VASH2: variants seen among roughly 807,000 people sequenced by gnomAD.
VASH2 encodes vasohibin 2.
A neutral mutation model predicts 37.2 loss-of-function variants in VASH2; 28 were observed. The observed-to-expected ratio is 0.75, with a 90% CI of 0.56 to 1.03. The LOEUF is 1.03. Ranked by LOEUF, VASH2 falls within the 50% of genes least tolerant of loss-of-function variation. The pLI, the probability that VASH2 is intolerant of heterozygous loss-of-function variation, is 0.00. For synonymous variants in VASH2, 188 were observed against 174.7 expected (o/e 1.08, Z -0.60); for missense variants, 419 against 459.1 (o/e 0.91, Z 0.80).
In VASH2 at chr1:212,958,136, G is replaced by A. The variant is rs555103479; in HGVS notation, c.277-3030G>A. 6.6e-5 allele frequency among the ~76,000 whole-genome samples: 10 copies of A among 152,296 alleles called. No individual in the cohort carries two copies. The South Asian group carries it at 2.1e-3, about 32-fold the overall frequency. ...TGTGTGTGTCTCCTAATGACACTCCGGGAAGCCCACCTGGTTTACAGTCCA... is the reference window on the plus strand; with the variant it reads ...TGTGTGTGTCTCCTAATGACACTCCAGGAAGCCCACCTGGTTTACAGTCCA... On this transcript the variant is annotated intron_variant, in intron 2 of 7. Coordinates refer to ENST00000517399, the MANE Select transcript of VASH2 (RefSeq NM_001301056.2).
rs759312443 is a variant in VASH2, at chr1:212,951,656, AGAG to A, written c.123_125del (p.Glu41del). 7.5e-6 allele frequency: 12 copies of A among 1,590,044 alleles called. No homozygotes were observed. Among genetic ancestry groups the A allele is most frequent in the East Asian group, 2.3e-5 (1 of 43,988 alleles). On this transcript the variant is annotated inframe_deletion, in exon 2 of 8. Coordinates refer to ENST00000517399, the MANE Select transcript of VASH2 (RefSeq NM_001301056.2). The surrounding 1 kb of genome is among the most constrained non-coding windows in gnomAD (Gnocchi z 4.4). ...TGAGCCTCGCCACCAGCGGGGGCTC[AGAG>A]GAGGAGGACAAAGACGGCGGGGTGC...
chr1:212,981,679 C>T (rs1667342825), intron 7 of VASH2, among the ~76,000 whole-genome samples: 1 of 152,178 alleles, frequency 6.6e-6, no homozygotes, highest in Non-Finnish European at 1.5e-5. Context: ...GCCAGTCTGG[C>T]CTTTGTGTTT....
Position 212,989,327 on chromosome 1 carries a change from A to C in VASH2, c.*743A>C, listed in dbSNP as rs972595180. Reference sequence around the variant, plus strand: ...TTTCAAAATGAAACAAAAATATCACATTGAGAAGCTAGTCTATGTTCTGTC... The same window carrying C: ...TTTCAAAATGAAACAAAAATATCACCTTGAGAAGCTAGTCTATGTTCTGTC... On this transcript the variant is annotated 3_prime_UTR_variant, in exon 8 of 8. Coordinates refer to ENST00000517399, the MANE Select transcript of VASH2 (RefSeq NM_001301056.2). 6.6e-6 allele frequency: 1 copy of C among 152,276 alleles called. No homozygotes were observed. Among genetic ancestry groups the C allele is most frequent in the African/African-American group, 2.4e-5 (1 of 41,472 alleles). 9.4% of individuals were successfully genotyped at this position (152,276 alleles called of 1,614,324 possible).
At chr1:212,959,488 A>T (rs1187180860) in intron 2 of VASH2, among the ~76,000 whole-genome samples, 1 of 152,206 alleles carries the variant, frequency 6.6e-6, no homozygotes, top group Non-Finnish European at 1.5e-5. Flanking sequence ...GCTGTAATGC[A>T]GGAAGTGTGA....
chr1:212,960,371 G>A (rs1039256642), intron 2 of VASH2, among the ~76,000 whole-genome samples: 2 of 152,188 alleles, frequency 1.3e-5, no homozygotes, highest in East Asian at 1.9e-4. Context: ...GTAAGATGGC[G>A]TGTGAGCCAG....
chr1:212,958,513 G>A (rs1666566052), intron 2 of VASH2, among the ~76,000 whole-genome samples: 1 of 152,134 alleles, frequency 6.6e-6, no homozygotes, highest in African/African-American at 2.4e-5. Flanking sequence ...GGGCTCTGCT[G>A]GGCTTGAGGG....
intron 2 of VASH2, among the ~76,000 whole-genome samples, chr1:212,955,254 A>G (rs558061883): frequency 6.6e-6 from 1 of 152,294 alleles, no homozygotes; most frequent in East Asian, 1.9e-4. Context: ...GCCTGCATGG[A>G]GGACTAAATG....
intron 7 of VASH2, chr1:212,974,912 AAG>A (rs1277234684): frequency 6.6e-6 from 1 of 152,152 alleles, no homozygotes; most frequent in Non-Finnish European, 1.5e-5. Flanking sequence ...TCATCCATAA[AAG>A]AGTATCAAAT....
chr1:212,952,040 G>A (rs1245830792), intron 2 of VASH2, among the ~76,000 whole-genome samples: 2 of 152,160 alleles, frequency 1.3e-5, no homozygotes, highest in East Asian at 3.8e-4. Context: ...TTGCTATCCT[G>A]GGACTGTGTA....
At chr1:212,958,328 G>T (rs2102623311) in intron 2 of VASH2, among the ~76,000 whole-genome samples, 1 of 152,296 alleles carries the variant, frequency 6.6e-6, no homozygotes, top group South Asian at 2.1e-4. Flanking sequence ...TGGGACTTGG[G>T]GAATGTATAC....
chr1:212,976,909 C>G (rs997226013), intron 7 of VASH2, among the ~76,000 whole-genome samples: 2 of 152,154 alleles, frequency 1.3e-5, no homozygotes, highest in Admixed American at 6.5e-5. Flanking sequence ...CGCGCATGTC[C>G]CGGAGTCGAC....
At chr1:212,984,772 G>A (rs1207262154) in intron 7 of VASH2, among the ~76,000 whole-genome samples, 2 of 152,160 alleles carry the variant, frequency 1.3e-5, no homozygotes, top group Non-Finnish European at 2.9e-5. Context: ...GAGACAACAG[G>A]AGATCTAAAG....
intron 7 of VASH2, among the ~76,000 whole-genome samples, chr1:212,979,952 G>GTGTT (rs1186442491): frequency 1.3e-5 from 2 of 152,230 alleles, no homozygotes. Flanking sequence ...TCACTAAGGG[G>GTGTT]TGTTCCCAGG....
intron 2 of VASH2, among the ~76,000 whole-genome samples, chr1:212,954,763 A>T (rs374692327): frequency 6.6e-6 from 1 of 152,190 alleles, no homozygotes; most frequent in Non-Finnish European, 1.5e-5. Flanking sequence ...TGTACTTTTC[A>T]TAGTAACTAG....
At chr1:212,976,583 G>C (rs1667178975) in intron 7 of VASH2, among the ~76,000 whole-genome samples, 1 of 144,294 alleles carries the variant, frequency 6.9e-6, no homozygotes, top group South Asian at 2.3e-4. Flanking sequence ...AAAAAAAATG[G>C]TGACGACAAG....
intron 5 of VASH2, among the ~76,000 whole-genome samples, chr1:212,969,589 T>A (rs1413788280): frequency 6.6e-6 from 1 of 152,164 alleles, no homozygotes; most frequent in African/African-American, 2.4e-5. Context: ...TTAGTAGAGA[T>A]GAGGTTTCAC....
intron 7 of VASH2, among the ~76,000 whole-genome samples, chr1:212,979,900 C>T (rs1448435863): frequency 6.6e-6 from 1 of 152,134 alleles, no homozygotes; most frequent in African/African-American, 2.4e-5. Flanking sequence ...GAACTTAAAC[C>T]AACTCCTTCC....
chr1:212,960,311 G>T (rs1194235587), intron 2 of VASH2, among the ~76,000 whole-genome samples: 1 of 152,158 alleles, frequency 6.6e-6, no homozygotes, highest in Non-Finnish European at 1.5e-5. Context: ...TGATTGAGGG[G>T]CAGACTAGGA....
chr1:212,959,160 C>A (rs1447637062), intron 2 of VASH2, among the ~76,000 whole-genome samples: 5 of 152,228 alleles, frequency 3.3e-5, no homozygotes, highest in African/African-American at 1.2e-4. Flanking sequence ...TCACGTCTCC[C>A]CTTCTCTCCC....
Sources: allele counts gnomAD v4.1 joint callset (sites outside exome capture counted in the v4.1 genomes callset), GRCh38; gene constraint gnomAD v4.1.1; non-coding constraint Gnocchi (gnomAD v3.1); transcripts MANE v1.5; gene names NCBI Gene and HGNC (gene_info 2026-07-23, HGNC 2026-07-21).